Variants in SPAG11B observed in about 807,000 individuals in gnomAD.
The protein encoded by SPAG11B is sperm associated antigen 11B.
SPAG11B carries 5 observed loss-of-function variants against 8.9 expected under a neutral mutation model. The ratio of observed to expected loss-of-function variants is 0.56; its 90% confidence interval spans 0.29 to 1.19. SPAG11B has a LOEUF of 1.19. SPAG11B is among the 50% of genes most tolerant of loss of function. The probability of loss-of-function intolerance (pLI) is 0.08; values close to 1 mark genes in which losing one functional copy is unlikely to be tolerated. For synonymous variants in SPAG11B, 12 were observed against 53.0 expected (o/e 0.23, Z 3.36); for missense variants, 38 against 146.4 (o/e 0.26, Z 3.82).
intron 2 of SPAG11B, among the ~76,000 whole-genome samples, chr8:7,459,539 C>T (rs1175820336): frequency 3.4e-5 from 5 of 149,110 alleles, no homozygotes; most frequent in South Asian, 2.2e-4. Flanking sequence ...ACACACTCCC[C>T]GCACAATCCC....
At chr8:7,457,475 A>T (rs1810511091) in intron 2 of SPAG11B, among the ~76,000 whole-genome samples, 4 of 97,548 alleles carry the variant, frequency 4.1e-5, no homozygotes, top group Admixed American at 3.7e-4. Flanking sequence ...TTTTTAGGAC[A>T]TGTAAGTATT....
chr8:7,459,143 G>A (rs1437772638), intron 2 of SPAG11B, among the ~76,000 whole-genome samples: 2 of 72,292 alleles, frequency 2.8e-5, no homozygotes, highest in African/African-American at 1.0e-4. Context: ...GCTTGAACCC[G>A]GGAGGTGGAG....
chr8:7,453,663 G>A (rs1444719974), intron 2 of SPAG11B, among the ~76,000 whole-genome samples: 1 of 150,058 alleles, frequency 6.7e-6, no homozygotes, highest in East Asian at 1.9e-4. Flanking sequence ...ACCTAGACAT[G>A]GATTTTGAAA....
At chr8:7,452,885 CACA>C (rs1454808923) in intron 2 of SPAG11B, among the ~76,000 whole-genome samples, 2 of 135,668 alleles carry the variant, frequency 1.5e-5, no homozygotes, top group Non-Finnish European at 3.1e-5. Flanking sequence ...ATTTCCACAC[CACA>C]ACAAGAATAG....
downstream of SPAG11B, among the ~76,000 whole-genome samples, chr8:7,450,209 T>C (rs921926761): frequency 2.4e-5 from 3 of 126,986 alleles, no homozygotes; most frequent in Non-Finnish European, 3.3e-5. Context: ...GCTTGTTGTA[T>C]TAATAAATTG....
At chr8:7,449,459 A>G (rs1809992788), downstream of SPAG11B, among the ~76,000 whole-genome samples, 1 of 148,196 alleles carries the variant, frequency 6.7e-6, no homozygotes, top group Admixed American at 6.7e-5. Flanking sequence ...AGCCAAGGCT[A>G]ATAGGGGCCA....
chr8:7,453,492 A>G lies in SPAG11B; in HGVS notation c.215-2592T>C, dbSNP rs544365687. Among the ~76,000 whole-genome samples, 7 of 147,068 alleles carry G rather than the reference A, an allele frequency of 4.8e-5. No individual in the cohort carries two copies. The East Asian group carries it at 1.4e-3, about 29-fold the overall frequency. On this transcript the variant is annotated intron_variant, in intron 2 of 2. Coordinates refer to ENST00000398462, the MANE Select transcript of SPAG11B (RefSeq NM_058201.4). ...ATGAATCCATACCCCATTTTTATGT[A>G]AGCAATAGCAGACTCTAGATATCAT...
chr8:7,453,761 A>G (rs1810332414), intron 2 of SPAG11B, among the ~76,000 whole-genome samples: 1 of 147,700 alleles, frequency 6.8e-6, no homozygotes, highest in Non-Finnish European at 1.5e-5. Flanking sequence ...GTTCATTTTG[A>G]ACTTTCCACC....
downstream of SPAG11B, among the ~76,000 whole-genome samples, chr8:7,449,616 GA>G (rs1317869052): frequency 1.3e-5 from 2 of 149,488 alleles, no homozygotes; most frequent in African/African-American, 5.0e-5. Context: ...ATTTAGAAAA[GA>G]AAAAAAACAA....
rs1353893466 is a variant in SPAG11B at position 7,459,047 on chromosome 8, A to C, written c.214+3660T>G. Among the ~76,000 whole-genome samples the C allele has an allele frequency of 2.2e-5, 2 of 92,804 alleles. 1 individual carries two copies. Among genetic ancestry groups the C allele is most frequent in the African/African-American group, 1.4e-4 (2 of 14,248 alleles). The allele number at this position is 92,804 out of a possible 152,430, so 60.9% of individuals were successfully genotyped here. Reference sequence around the variant, plus strand: ...AACCTCGTCTCTACTAAAAATACAAAATTAGCCGGGCATGGTGGTAGACAC... The same window carrying C: ...AACCTCGTCTCTACTAAAAATACAACATTAGCCGGGCATGGTGGTAGACAC... On this transcript the variant is annotated intron_variant, in intron 2 of 2. Transcript: ENST00000398462.
chr8:7,450,925 G>T, intron 2 of SPAG11B, 25 bp from the exon 3 acceptor site: 1 of 1,550,524 alleles, frequency 6.4e-7, no homozygotes, highest in East Asian at 2.2e-5. Flanking sequence ...GAAGAGAGTT[G>T]ACATTTAACT....
intron 2 of SPAG11B, chr8:7,451,173 C>A: frequency 6.4e-7 from 1 of 1,559,254 alleles, no homozygotes; most frequent in Non-Finnish European, 8.7e-7. Context: ...AATGAGGGTC[C>A]TCGAGCCTCC....
At chr8:7,452,422 T>A in intron 2 of SPAG11B, 1 of 34,802 alleles carries the variant, frequency 2.9e-5, no homozygotes, top group South Asian at 2.1e-4. Context: ...TTTATAGGTT[T>A]TTGGGAATAC....
downstream of SPAG11B, chr8:7,449,285 C>T: frequency 2.8e-6 from 1 of 363,012 alleles, no homozygotes; most frequent in Non-Finnish European, 5.4e-6. Context: ...ACGGCACCTG[C>T]CCAGAAGTCC....
At chr8:7,450,296 G>C (rs1433208717), downstream of SPAG11B, among the ~76,000 whole-genome samples, 1 of 146,426 alleles carries the variant, frequency 6.8e-6, no homozygotes, top group African/African-American at 2.6e-5. Context: ...TGCTTGAGGA[G>C]GCATAAAGGG....
chr8:7,453,841 G>A (rs1421463187), intron 2 of SPAG11B, among the ~76,000 whole-genome samples: 1 of 148,956 alleles, frequency 6.7e-6, no homozygotes, highest in Non-Finnish European at 1.5e-5. Context: ...TCTGTACCTT[G>A]CAAAATCACC....
At chr8:7,453,900 A>G (rs1810343322) in intron 2 of SPAG11B, among the ~76,000 whole-genome samples, 1 of 149,192 alleles carries the variant, frequency 6.7e-6, no homozygotes, top group South Asian at 2.1e-4. Flanking sequence ...GCTGCTTTTG[A>G]CCCTCCACCA....
At chr8:7,452,879 C>T (rs1298050919) in intron 2 of SPAG11B, among the ~76,000 whole-genome samples, 2 of 135,376 alleles carry the variant, frequency 1.5e-5, no homozygotes, top group Non-Finnish European at 3.2e-5. Context: ...CAATGTATTT[C>T]CACACCACAA....
Position 7,462,864 on chromosome 8 carries a change from G to T in SPAG11B, c.62-5C>A. On this transcript the variant is annotated splice_region_variant and splice_polypyrimidine_tract_variant and intron_variant, in intron 1 of 2. Transcript: ENST00000398462. ...CATGTCTGGCTTGAGACGATCCTGT[G>T]CAAGTGGAAACACACGTCTGAGGAT... 1.2e-6 allele frequency: 2 copies of T among 1,613,866 alleles called. No individual in the cohort carries two copies. The highest frequency in any genetic ancestry group is 1.7e-6 in the Non-Finnish European group (2 of 1,179,874).
Sources: allele counts gnomAD v4.1 joint callset (sites outside exome capture counted in the v4.1 genomes callset), GRCh38; gene constraint gnomAD v4.1.1; transcripts MANE v1.5; gene names NCBI Gene and HGNC (gene_info 2026-07-23, HGNC 2026-07-21).